The following PDE1C variants were observed in gnomAD, a reference collection of about 807,000 sequenced individuals.
The protein encoded by PDE1C is dual specificity calcium/calmodulin-dependent 3',5'-cyclic nucleotide phosphodiesterase 1C.
Under a neutral mutation model 93.1 loss-of-function variants are expected in PDE1C, and 62 were observed. The ratio of observed to expected loss-of-function variants is 0.67; its 90% CI spans 0.54 to 0.82. The LOEUF (loss-of-function observed/expected upper bound fraction) is 0.82. Among genes scored for constraint, PDE1C ranks in the 40% least tolerant of loss-of-function variants. PDE1C has a pLI of 0.00. For missense variants in PDE1C, 742 were observed against 884.6 expected (o/e 0.84, Z 2.04); for synonymous variants, 325 against 310.1 (o/e 1.05, Z -0.50).
At chr7:31,953,154 T>C (rs549434821) in intron 2 of PDE1C, among the ~76,000 whole-genome samples, 1 of 152,282 alleles carries the variant, frequency 6.6e-6, no homozygotes, top group Admixed American at 6.5e-5. Flanking sequence ...TTAAAGTTAT[T>C]TCATAATTAA....
At chr7:31,902,855 G>T (rs1291341959) in intron 2 of PDE1C, among the ~76,000 whole-genome samples, 1 of 151,410 alleles carries the variant, frequency 6.6e-6, no homozygotes, top group African/African-American at 2.4e-5. Flanking sequence ...AATATATTGA[G>T]TGAAATGGGT....
At chr7:32,184,225 T>C (rs1181871510) in intron 2 of PDE1C, among the ~76,000 whole-genome samples, 2 of 152,110 alleles carry the variant, frequency 1.3e-5, no homozygotes, top group African/African-American at 4.8e-5. Flanking sequence ...TCAACCATTG[T>C]GGAAGTCAGT....
the PDE1C span, among the ~76,000 whole-genome samples, chr7:31,720,420 TG>T: frequency 6.6e-6 from 1 of 152,190 alleles, no homozygotes; most frequent in South Asian, 2.1e-4. Context: ...TAAGCGTCTC[TG>T]CTCACACTCA....
At chr7:32,375,770 C>T (rs771601852) in intron 1 of PDE1C, among the ~76,000 whole-genome samples, 15 of 152,268 alleles carry the variant, frequency 9.9e-5, no homozygotes, top group Non-Finnish European at 1.9e-4. Flanking sequence ...GCCTCTATAC[C>T]GTCTGTCAAA....
chr7:32,015,002 A>G (rs1787696068), intron 2 of PDE1C, among the ~76,000 whole-genome samples: 1 of 152,026 alleles, frequency 6.6e-6, no homozygotes, highest in African/African-American at 2.4e-5. Flanking sequence ...TGCTGTTCTC[A>G]TGTTCTCAGT....
At chr7:31,747,977 C>A (rs1176267777), downstream of PDE1C, among the ~76,000 whole-genome samples, 2 of 152,138 alleles carry the variant, frequency 1.3e-5, no homozygotes, top group Non-Finnish European at 2.9e-5. Flanking sequence ...TCCCATAATC[C>A]TGTTCTTGTG....
At chr7:32,256,851 T>C (rs1195081554) in intron 1 of PDE1C, among the ~76,000 whole-genome samples, 1 of 152,186 alleles carries the variant, frequency 6.6e-6, no homozygotes, top group East Asian at 1.9e-4. Context: ...AAATCAATAA[T>C]AGGGTGCCAC....
At chr7:32,093,100 C>T (rs1203029747) in intron 3 of PDE1C, among the ~76,000 whole-genome samples, 1 of 152,182 alleles carries the variant, frequency 6.6e-6, no homozygotes, top group Admixed American at 6.5e-5. Flanking sequence ...CTATCTGTCT[C>T]ATTAAACTAA....
intron 3 of PDE1C, among the ~76,000 whole-genome samples, chr7:32,122,107 G>C (rs902898208): frequency 3.9e-5 from 6 of 151,980 alleles, no homozygotes; most frequent in Admixed American, 3.9e-4. Context: ...AACCAACAAA[G>C]ATCAAAAAAG....
At chr7:31,874,619 T>A (rs1246780493) in intron 5 of PDE1C, among the ~76,000 whole-genome samples, 1 of 152,262 alleles carries the variant, frequency 6.6e-6, no homozygotes, top group Non-Finnish European at 1.5e-5. Context: ...TGGATGCTAA[T>A]AAACTGTTTT....
At chr7:31,997,161 G>C (rs1784821623) in intron 2 of PDE1C, among the ~76,000 whole-genome samples, 1 of 152,160 alleles carries the variant, frequency 6.6e-6, no homozygotes, top group Non-Finnish European at 1.5e-5. Context: ...TTTGGATATG[G>C]GCTTTTTAGT....
Position 32,089,461 on chromosome 7 carries a change from A to G in PDE1C, c.308+80324T>C, listed in dbSNP as rs76166824. Among the ~76,000 whole-genome samples, 532 of 152,276 alleles carry G rather than the reference A, an allele frequency of 3.5e-3. 1 individual carries two copies. Among genetic ancestry groups the G allele is most frequent in the African/African-American group, 0.012 (509 of 41,554 alleles). ...AAAGCCCTCTGACAATGGTACTATG[A>G]TTTTGCAATTACCAACCACGTCAAG... On this transcript the variant is annotated intron_variant, in intron 3 of 18. Transcript: ENST00000396193.
chr7:31,815,675 G>GCA (rs1788152562), intron 15 of PDE1C, among the ~76,000 whole-genome samples: 1 of 100,092 alleles, frequency 1.0e-5, no homozygotes, highest in Non-Finnish European at 2.4e-5. Context: ...GCAGGCACTG[G>GCA]CTAGAGTCTC....
At chr7:32,395,736 C>A (rs1239084573) in intron 1 of PDE1C, among the ~76,000 whole-genome samples, 1 of 152,090 alleles carries the variant, frequency 6.6e-6, no homozygotes, top group East Asian at 1.9e-4. Context: ...TTTACAGACT[C>A]TTGATCTTCA....
chr7:31,914,703 C>A (rs904129409), intron 2 of PDE1C, among the ~76,000 whole-genome samples: 5 of 152,094 alleles, frequency 3.3e-5, no homozygotes, highest in Non-Finnish European at 5.9e-5. Context: ...TAAAAGATAC[C>A]CATGCCACAC....
chr7:31,654,084 A>T, the PDE1C span, among the ~76,000 whole-genome samples: 3 of 151,928 alleles, frequency 2.0e-5, no homozygotes, highest in African/African-American at 7.3e-5. Context: ...CAACAAGCAA[A>T]TAATTACAAT....
the PDE1C span, among the ~76,000 whole-genome samples, chr7:31,694,966 G>T: frequency 1.3e-4 from 20 of 152,252 alleles, no homozygotes; most frequent in East Asian, 3.9e-3. Flanking sequence ...AAAACCCAAG[G>T]TCTGGATCAC....
At chr7:32,237,742 G>GTATATATATATATA (rs372356671) in intron 1 of PDE1C, among the ~76,000 whole-genome samples, 15 of 31,226 alleles carry the variant, frequency 4.8e-4, no homozygotes, top group East Asian at 2.2e-3. Flanking sequence ...TTGGCTCTGT[G>GTATATATATATATA]TATATATATA....
chr7:31,723,166 T>A, the PDE1C span, among the ~76,000 whole-genome samples: 1 of 152,212 alleles, frequency 6.6e-6, no homozygotes, highest in East Asian at 1.9e-4. Context: ...ATGATGCTTA[T>A]GATAATAAAA....
Sources: gnomAD v4.1 joint callset for allele counts (sites outside exome capture counted in the v4.1 genomes callset) on GRCh38, gnomAD v4.1.1 for gene constraint, MANE v1.5 for transcripts, NCBI Gene and HGNC (gene_info 2026-07-23, HGNC 2026-07-21) for gene names.